The following RIT2 variants were observed in gnomAD, a reference collection of about 807,000 sequenced individuals.
RIT2 encodes GTP-binding protein Rit2.
A neutral mutation model predicts 23.7 loss-of-function variants in RIT2; 24 were observed. The ratio of observed to expected loss-of-function variants is 1.01; its 90% CI spans 0.73 to 1.43. The LOEUF (loss-of-function observed/expected upper bound fraction) is 1.43. RIT2 is among the 40% of genes most tolerant of loss of function. The pLI is 0.00. For synonymous variants in RIT2, 107 were observed against 91.1 expected (o/e 1.17, Z -0.99); for missense variants, 236 against 266.9 (o/e 0.88, Z 0.81).
rs148104577 is a variant in RIT2 at position 42,903,091 on chromosome 18, C to T, written c.426+20481G>A. 8.4e-3 allele frequency among the ~76,000 whole-genome samples: 1,273 copies of T among 152,044 alleles called. 22 individuals are homozygous for T. The highest frequency in any genetic ancestry group is 0.029 in the African/African-American group (1,213 of 41,534). On this transcript the variant is annotated intron_variant, in intron 4 of 4. Coordinates refer to ENST00000326695, the MANE Select transcript of RIT2 (RefSeq NM_002930.4). ...TGGATATTCAAACGTAATATACTCACATGCTTTTAAAAAATCATCTTGAAT... is the reference window on the plus strand; with the variant it reads ...TGGATATTCAAACGTAATATACTCATATGCTTTTAAAAAATCATCTTGAAT...
intron 4 of RIT2, chr18:42,920,584 A>C (rs1359844854): frequency 9.1e-6 from 6 of 660,910 alleles, no homozygotes; most frequent in African/African-American, 1.8e-5. Flanking sequence ...AATAATGATA[A>C]ACACATAATA....
chr18:42,873,241 A>G (rs1284544532), intron 4 of RIT2, among the ~76,000 whole-genome samples: 1 of 152,158 alleles, frequency 6.6e-6, no homozygotes, highest in Non-Finnish European at 1.5e-5. Context: ...AAATGTAACT[A>G]TATTTATTTG....
At chr18:43,102,359 T>C (rs1018615124) in intron 1 of RIT2, among the ~76,000 whole-genome samples, 1 of 152,080 alleles carries the variant, frequency 6.6e-6, no homozygotes, top group Admixed American at 6.6e-5. Context: ...GTAAACAATG[T>C]TCTGAAGTCT....
intron 4 of RIT2, among the ~76,000 whole-genome samples, chr18:42,782,062 T>A (rs999218361): frequency 6.6e-6 from 1 of 152,190 alleles, no homozygotes; most frequent in Non-Finnish European, 1.5e-5. Context: ...CTGTTCAATA[T>A]CTTTCAAAGC....
intron 1 of RIT2, among the ~76,000 whole-genome samples, chr18:43,054,798 G>T (rs1248091973): frequency 6.6e-6 from 1 of 152,064 alleles, no homozygotes; most frequent in Non-Finnish European, 1.5e-5. Context: ...AATTTGATTA[G>T]AATGAATTAG....
chr18:43,013,176 A>T (rs1911390343), intron 2 of RIT2, among the ~76,000 whole-genome samples: 1 of 151,894 alleles, frequency 6.6e-6, no homozygotes, highest in African/African-American at 2.4e-5. Context: ...CACTGAACTG[A>T]TCAACATGAT....
intron 2 of RIT2, among the ~76,000 whole-genome samples, chr18:42,988,269 G>A (rs4890421): frequency 0.95 from 145,168 of 152,234 alleles, 69,575 homozygotes; most frequent in East Asian, 1. Flanking sequence ...TGTAAGAAAA[G>A]AGAAAATATT....
intron 1 of RIT2, among the ~76,000 whole-genome samples, chr18:43,077,100 C>T: frequency 1.6e-5 from 1 of 61,106 alleles, no homozygotes; most frequent in South Asian, 7.4e-4. Context: ...GAGACTCCGT[C>T]TCAAAAAAAA....
intron 4 of RIT2, among the ~76,000 whole-genome samples, chr18:42,875,951 T>A (rs892587377): frequency 1.3e-5 from 2 of 152,032 alleles, no homozygotes; most frequent in Non-Finnish European, 2.9e-5. Flanking sequence ...ACCACAGAGT[T>A]TGTGAAGGAG....
intron 4 of RIT2, among the ~76,000 whole-genome samples, chr18:42,827,961 G>A (rs1166421055): frequency 1.3e-4 from 17 of 131,434 alleles, no homozygotes; most frequent in East Asian, 2.3e-4. Flanking sequence ...ATGAGATCGC[G>A]CCACTGCACT....
chr18:43,040,694 C>A (rs977068070), intron 1 of RIT2, among the ~76,000 whole-genome samples: 5 of 151,876 alleles, frequency 3.3e-5, no homozygotes, highest in Non-Finnish European at 7.4e-5. Context: ...GATGGGGGTG[C>A]ATGTTAGGAA....
At chr18:43,004,659 C>T (rs532130221) in intron 2 of RIT2, among the ~76,000 whole-genome samples, 1 of 151,886 alleles carries the variant, frequency 6.6e-6, no homozygotes, top group Non-Finnish European at 1.5e-5. Flanking sequence ...CTTGTACCAC[C>T]TCTGCTTCAT....
intron 1 of RIT2, among the ~76,000 whole-genome samples, chr18:43,036,291 G>A (rs894846183): frequency 1.3e-5 from 2 of 152,162 alleles, no homozygotes; most frequent in African/African-American, 4.8e-5. Context: ...TGTAATCCTA[G>A]CGCTTTGGGA....
intron 3 of RIT2, among the ~76,000 whole-genome samples, chr18:42,932,240 GCTGGATATA>G (rs1909344189): frequency 6.6e-6 from 1 of 152,110 alleles, no homozygotes; most frequent in Non-Finnish European, 1.5e-5. Context: ...ATCATTAAGT[GCTGGATATA>G]CTTCATCCTC....
intron 4 of RIT2, among the ~76,000 whole-genome samples, chr18:42,893,181 T>C (rs1334785541): frequency 1.4e-5 from 2 of 138,554 alleles, no homozygotes; most frequent in Admixed American, 1.6e-4. Context: ...TGAGCCAAGA[T>C]CGCCACTGCA....
At chr18:42,818,406 A>T (rs1906056396) in intron 4 of RIT2, among the ~76,000 whole-genome samples, 1 of 152,078 alleles carries the variant, frequency 6.6e-6, no homozygotes, top group African/African-American at 2.4e-5. Context: ...GAAAGATAGG[A>T]TTCACACATA....
At chr18:42,854,901 C>T (rs1274114747) in intron 4 of RIT2, among the ~76,000 whole-genome samples, 1 of 152,160 alleles carries the variant, frequency 6.6e-6, no homozygotes, top group Non-Finnish European at 1.5e-5. Flanking sequence ...TACCCAGACC[C>T]CAAATCCTAC....
intron 4 of RIT2, among the ~76,000 whole-genome samples, chr18:42,771,345 T>G (rs1913547567): frequency 6.6e-6 from 1 of 152,266 alleles, no homozygotes; most frequent in African/African-American, 2.4e-5. Context: ...TTAATATTTG[T>G]TTTTATATTG....
chr18:42,918,587 T>A (rs548021366), intron 4 of RIT2, among the ~76,000 whole-genome samples: 9 of 152,284 alleles, frequency 5.9e-5, no homozygotes, highest in Non-Finnish European at 1.2e-4. Flanking sequence ...CTACTCTTAT[T>A]TTTTTAAGTT....
Sources: allele counts gnomAD v4.1 joint callset (sites outside exome capture counted in the v4.1 genomes callset), GRCh38; gene constraint gnomAD v4.1.1; transcripts MANE v1.5; gene names NCBI Gene and HGNC (gene_info 2026-07-23, HGNC 2026-07-21).